Variants in ANK3 observed in about 807,000 individuals in gnomAD.
ANK3 encodes ankyrin 3.
Under a neutral mutation model 370.9 loss-of-function variants are expected in ANK3, and 57 were observed. The ratio of observed to expected loss-of-function variants is 0.15; its 90% confidence interval spans 0.12 to 0.19. The LOEUF (loss-of-function observed/expected upper bound fraction) is 0.19. Ranked by LOEUF, ANK3 falls within the 10% of genes least tolerant of loss-of-function variation. The probability of loss-of-function intolerance (pLI) is 1.00; values close to 1 mark genes in which losing one functional copy is unlikely to be tolerated. For synonymous variants in ANK3, 1,929 were observed against 1,946.3 expected (o/e 0.99, Z 0.23); for missense variants, 4,439 against 5,302.1 (o/e 0.84, Z 5.06).
In ANK3 at chr10:60,074,349, G is replaced by T. The variant is rs1484488618; in HGVS notation, c.6532C>A (p.Pro2178Thr). The T allele has an allele frequency of 1.9e-6, 3 of 1,613,978 alleles. No individual in the cohort carries two copies. The highest frequency in any genetic ancestry group is 4.5e-5 in the East Asian group (2 of 44,868). The change falls in exon 37 of 44, where the codon CCC becomes ACC. Residue 2178 changes from proline (P) to threonine (T), a missense_variant. Coordinates refer to ENST00000280772, the MANE Select transcript of ANK3 (RefSeq NM_020987.5). The stretch of plus-strand genomic sequence containing the variant: ...GTCTGGGGAACATCCCCAGCTGAGG[G>T]ATCATAGCTCCTGATAACATGAACC... ...EVVHVIRSYD[P>T]SAGDVPQTQP... is the part of the protein sequence containing the mutation.
intron 1 of ANK3, chr10:60,684,828 G>A (rs186434494): frequency 1.3e-6 from 2 of 1,520,210 alleles, no homozygotes; most frequent in African/African-American, 2.8e-5. Flanking sequence ...TCGAAAGGAT[G>A]GAAGAAGCCA....
At chr10:60,195,818 T>C (rs952871365) in intron 16 of ANK3, among the ~76,000 whole-genome samples, 2 of 152,208 alleles carry the variant, frequency 1.3e-5, no homozygotes, top group Admixed American at 1.3e-4. Flanking sequence ...AACACATGTT[T>C]CATAATTCTG....
At chr10:60,279,678 G>A in intron 1 of ANK3, 39 bp from the exon 2 acceptor site, 1 of 1,471,406 alleles carries the variant, frequency 6.8e-7, no homozygotes, top group African/African-American at 1.4e-5. Context: ...GAAAAATGAA[G>A]CTAATATGCA....
rs149159374 is a variant in ANK3 at position 60,701,086 on chromosome 10, T to C, written c.57+32177A>G. On this transcript the variant is annotated intron_variant, in intron 1 of 43. Transcript: ENST00000373827. ...AGAACAATAGAGAAAAAAGATATTG[T>C]TTAAAATGGTCTAAAGAAACAGTTG... is the stretch of plus-strand genomic sequence containing the variant. Among the ~76,000 whole-genome samples, 17 of 152,130 alleles carry C rather than the reference T, an allele frequency of 1.1e-4. 1 individual carries two copies. The highest frequency in any genetic ancestry group is 4.1e-4 in the African/African-American group (17 of 41,536).
At position 60,301,345 on chromosome 10, in the gene ANK3, T is replaced by C. The variant is rs948512587; in HGVS notation, c.115-21706A>G. On this transcript the variant is annotated intron_variant, in intron 1 of 43. Transcript: ENST00000280772. ...ACACGTGTGTATATATACATATATA[T>C]ACACACACATGCACGCACAGATACA... 4.9e-5 allele frequency among the ~76,000 whole-genome samples: 7 copies of C among 142,840 alleles called. 1 individual carries two copies. The highest frequency in any genetic ancestry group is 7.8e-5 in the Non-Finnish European group (5 of 64,316). 93.7% of individuals were successfully genotyped at this position (142,840 alleles called of 152,430 possible). A position where few individuals can be genotyped will look rare whatever the true frequency, so the allele number is the denominator to read the frequency against.
chr10:60,592,213 C>A lies in ANK3; in HGVS notation c.96+22973G>T, dbSNP rs79323664. ...CATAAATATATACACCTATTATGTACCCACAAGCTTTTTTTAATAATTTAA... is the reference window on the plus strand; with the variant it reads ...CATAAATATATACACCTATTATGTAACCACAAGCTTTTTTTAATAATTTAA... On this transcript the variant is annotated intron_variant, in intron 2 of 43. Coordinates refer to the ANK3 transcript ENST00000373827. 2.2e-3 allele frequency among the ~76,000 whole-genome samples: 338 copies of A among 151,934 alleles called. 3 individuals carry two copies. Among genetic ancestry groups the A allele is most frequent in the African/African-American group, 7.6e-3 (316 of 41,438 alleles).
chr10:60,179,825 C>T (rs527247023), intron 18 of ANK3, among the ~76,000 whole-genome samples: 154 of 152,246 alleles, frequency 1.0e-3, no homozygotes, highest in African/African-American at 3.3e-3. Flanking sequence ...GTACTTGTTT[C>T]TCTCCTCCCC....
chr10:60,487,200 C>G (rs183607014), intron 2 of ANK3, among the ~76,000 whole-genome samples: 17 of 152,268 alleles, frequency 1.1e-4, no homozygotes, highest in African/African-American at 3.9e-4. Context: ...ATTAATCCTG[C>G]ATTACTCAGA....
chr10:60,205,921 A>G (rs1276544870), intron 10 of ANK3, 31 bp from the exon 11 acceptor site: 2 of 1,381,574 alleles, frequency 1.4e-6, no homozygotes, highest in Admixed American at 3.4e-5. Flanking sequence ...TACCTGCTTG[A>G]CTACATTCCA....
At chr10:60,101,837 A>C (rs573513548) in intron 28 of ANK3, among the ~76,000 whole-genome samples, 1 of 152,296 alleles carries the variant, frequency 6.6e-6, no homozygotes, top group East Asian at 1.9e-4. Flanking sequence ...TCATACAAAG[A>C]AACTAAGAGG....
chr10:60,604,465 T>C (rs920494274), intron 2 of ANK3, among the ~76,000 whole-genome samples: 2 of 151,998 alleles, frequency 1.3e-5, no homozygotes, highest in Admixed American at 1.3e-4. Context: ...AACACAAAAG[T>C]TGACAAAAAG....
intron 21 of ANK3, 103 bp downstream of exon 21, chr10:60,172,205 T>A: frequency 2.4e-6 from 2 of 821,818 alleles, no homozygotes; most frequent in Non-Finnish European, 2.0e-6. Flanking sequence ...TAAAACATGG[T>A]GCTTAGTTTA....
intron 2 of ANK3, among the ~76,000 whole-genome samples, chr10:60,430,617 T>G (rs1263444486): frequency 6.6e-6 from 1 of 152,202 alleles, no homozygotes; most frequent in African/African-American, 2.4e-5. Flanking sequence ...TCGATGGGTA[T>G]GGTTATCCTA....
chr10:60,393,731 T>C (rs1398869622), upstream of ANK3, among the ~76,000 whole-genome samples: 7 of 152,160 alleles, frequency 4.6e-5, no homozygotes, highest in African/African-American at 1.7e-4. Context: ...TCTCTTGTCA[T>C]TTCATGTTGT....
intron 8 of ANK3, among the ~76,000 whole-genome samples, chr10:60,231,450 G>A (rs74346016): frequency 1.4e-3 from 210 of 152,314 alleles, no homozygotes; most frequent in African/African-American, 4.8e-3. Context: ...TTTATTGAAT[G>A]CAAGCAAGGT....
chr10:60,242,796 C>A (rs980000286), intron 7 of ANK3, among the ~76,000 whole-genome samples: 8 of 152,132 alleles, frequency 5.3e-5, no homozygotes. Context: ...ATATACACAA[C>A]AACCCTAGAA....
At chr10:60,118,779 T>C (rs2093285183) in intron 25 of ANK3, among the ~76,000 whole-genome samples, 1 of 152,208 alleles carries the variant, frequency 6.6e-6, no homozygotes, top group Non-Finnish European at 1.5e-5. Flanking sequence ...ATATCATTCC[T>C]CTTTGGTAAT....
At chr10:60,257,386 C>T (rs2097755193) in intron 7 of ANK3, among the ~76,000 whole-genome samples, 1 of 152,152 alleles carries the variant, frequency 6.6e-6, no homozygotes, top group African/African-American at 2.4e-5. Context: ...AGTAGCTGGG[C>T]CACAGTCTCT....
chr10:60,115,457 A>C (rs2093018160), intron 25 of ANK3, among the ~76,000 whole-genome samples: 1 of 152,220 alleles, frequency 6.6e-6, no homozygotes, highest in African/African-American at 2.4e-5. Context: ...TAAAACCAGA[A>C]AAATGAAATA....
Sources: allele counts gnomAD v4.1 joint callset (sites outside exome capture counted in the v4.1 genomes callset), GRCh38; gene constraint gnomAD v4.1.1; transcripts MANE v1.5; gene names NCBI Gene and HGNC (gene_info 2026-07-23, HGNC 2026-07-21).